DLGAP2: variants seen among roughly 807,000 people sequenced by gnomAD.
DLGAP2 encodes disks large-associated protein 2.
In DLGAP2, 26 loss-of-function variants were observed where a neutral mutation model predicts 100.3. The ratio of observed to expected loss-of-function variants is 0.26; its 90% CI spans 0.19 to 0.36. DLGAP2 has a LOEUF of 0.36. Ranked by LOEUF, DLGAP2 falls within the 10% of genes least tolerant of loss-of-function variation. DLGAP2 has a pLI of 1.00. For synonymous variants in DLGAP2, 886 were observed against 630.1 expected, an observed-to-expected ratio of 1.41 and a Z score of -6.08; for missense variants, 1,858 against 1,453.2, an observed-to-expected ratio of 1.28 and a Z score of -4.53.
intron 3 of DLGAP2, among the ~76,000 whole-genome samples, chr8:1,500,787 T>C (rs150074667): frequency 1.3e-5 from 2 of 152,376 alleles, no homozygotes; most frequent in East Asian, 3.9e-4. Flanking sequence ...GGAAAATCAA[T>C]GCCAGTGACC....
intron 2 of DLGAP2, among the ~76,000 whole-genome samples, chr8:1,203,360 A>G (rs535475253): frequency 1.3e-4 from 20 of 151,788 alleles, no homozygotes; most frequent in Non-Finnish European, 2.5e-4. Flanking sequence ...GTTAGAATCC[A>G]TGAGACTGGC....
At chr8:837,749 CT>C (rs1425012009) in intron 1 of DLGAP2, among the ~76,000 whole-genome samples, 1 of 150,246 alleles carries the variant, frequency 6.7e-6, no homozygotes, top group Non-Finnish European at 1.5e-5. Context: ...CGGAGTCTCA[CT>C]CTGTTGCCCA....
At chr8:1,552,449 A>G (rs1801801940) in intron 5 of DLGAP2, among the ~76,000 whole-genome samples, 1 of 152,168 alleles carries the variant, frequency 6.6e-6, no homozygotes, top group South Asian at 2.1e-4. Context: ...ATGAAGCTGA[A>G]TATCAGGAGC....
intron 1 of DLGAP2, among the ~76,000 whole-genome samples, chr8:855,203 T>C (rs1797254221): frequency 6.6e-6 from 1 of 152,238 alleles, no homozygotes; most frequent in African/African-American, 2.4e-5. Flanking sequence ...GGCATTTATG[T>C]GGGATCATTG....
intron 2 of DLGAP2, among the ~76,000 whole-genome samples, chr8:947,472 G>A (rs1294288156): frequency 2.6e-5 from 4 of 152,216 alleles, no homozygotes; most frequent in Non-Finnish European, 4.4e-5. Flanking sequence ...TACACGAAGC[G>A]TAGAGACGGT....
chr8:1,537,125 C>A (rs951413935), intron 4 of DLGAP2, among the ~76,000 whole-genome samples: 1 of 151,932 alleles, frequency 6.6e-6, no homozygotes, highest in Non-Finnish European at 1.5e-5. Context: ...ATGTGGTAGA[C>A]CCCTGCAGCT....
In DLGAP2 at chr8:1,495,760, G is replaced by A. The variant is rs575123736; in HGVS notation, c.107-5606G>A. ...TGGTGGCCGTGCTGGGTCTGTGCCCGGGGCCTTCCCCCGTATGCTTTCGCT... is the reference window on the plus strand; with the variant it reads ...TGGTGGCCGTGCTGGGTCTGTGCCCAGGGCCTTCCCCCGTATGCTTTCGCT... On this transcript the variant is annotated intron_variant, in intron 3 of 14. Transcript: ENST00000637795. 2.0e-5 allele frequency among the ~76,000 whole-genome samples: 3 copies of A among 152,352 alleles called. No individual in the cohort carries two copies. The East Asian group carries it at 5.8e-4, about 29-fold the overall frequency.
chr8:1,546,707 G>A (rs1054185657), intron 4 of DLGAP2, among the ~76,000 whole-genome samples: 1 of 152,154 alleles, frequency 6.6e-6, no homozygotes, highest in Non-Finnish European at 1.5e-5. Context: ...CAGGGAGTCA[G>A]AGTGGGTGGC....
intron 3 of DLGAP2, among the ~76,000 whole-genome samples, chr8:1,281,681 C>CT (rs2116949438): frequency 6.6e-6 from 1 of 152,260 alleles, no homozygotes; most frequent in East Asian, 1.9e-4. Flanking sequence ...TGAAATTCAG[C>CT]TCCCCACACT....
intron 5 of DLGAP2, among the ~76,000 whole-genome samples, chr8:1,557,627 G>A (rs997558922): frequency 6.6e-6 from 1 of 152,152 alleles, no homozygotes; most frequent in Non-Finnish European, 1.5e-5. Flanking sequence ...CACACCCGGG[G>A]GGCGTGTAAA....
intron 2 of DLGAP2, among the ~76,000 whole-genome samples, chr8:1,117,754 G>A (rs538279416): frequency 6.6e-6 from 1 of 152,292 alleles, no homozygotes; most frequent in African/African-American, 2.4e-5. Flanking sequence ...ACCCCCAGGG[G>A]GCTCCCCCAG....
At chr8:1,250,486 T>C (rs1176810503) in intron 2 of DLGAP2, 2 of 152,146 alleles carry the variant, frequency 1.3e-5, no homozygotes, top group Non-Finnish European at 2.9e-5. Context: ...AGGGAGTGAA[T>C]GAATGTCTTC....
At chr8:1,018,715 C>T (rs1279099319) in intron 2 of DLGAP2, 1 of 152,186 alleles carries the variant, frequency 6.6e-6, no homozygotes. Flanking sequence ...AGGTCATATT[C>T]CTTATCAACT....
At chr8:857,940 G>A (rs562569056) in intron 1 of DLGAP2, among the ~76,000 whole-genome samples, 2 of 150,638 alleles carry the variant, frequency 1.3e-5, no homozygotes, top group South Asian at 2.1e-4. Flanking sequence ...GTGTGATCTC[G>A]GCTCACTGCA....
At chr8:922,160 T>G (rs1434945792) in intron 2 of DLGAP2, among the ~76,000 whole-genome samples, 1 of 152,200 alleles carries the variant, frequency 6.6e-6, no homozygotes, top group Non-Finnish European at 1.5e-5. Flanking sequence ...TTTGGTGTTT[T>G]CATGGAAGTT....
chr8:975,103 T>C (rs991496962), intron 2 of DLGAP2, among the ~76,000 whole-genome samples: 1 of 152,092 alleles, frequency 6.6e-6, no homozygotes, highest in African/African-American at 2.4e-5. Flanking sequence ...AATAAAAGAA[T>C]ACTATGAATA....
intron 2 of DLGAP2, among the ~76,000 whole-genome samples, chr8:950,043 G>T (rs909626490): frequency 6.6e-6 from 1 of 152,194 alleles, no homozygotes; most frequent in African/African-American, 2.4e-5. Flanking sequence ...TGCTTCTCCA[G>T]GGGACCCAGG....
intron 1 of DLGAP2, among the ~76,000 whole-genome samples, chr8:756,802 C>A (rs1347644092): frequency 6.6e-6 from 1 of 152,176 alleles, no homozygotes; most frequent in Non-Finnish European, 1.5e-5. Context: ...AGATCTCCCG[C>A]CTCCGGTCTC....
At chr8:1,300,651 T>C (rs928981172) in intron 3 of DLGAP2, 4 of 152,232 alleles carry the variant, frequency 2.6e-5, no homozygotes, top group Non-Finnish European at 2.9e-5. Flanking sequence ...GAGGTTCACC[T>C]CCTTGACATC....
Sources: gnomAD v4.1 joint callset for allele counts (sites outside exome capture counted in the v4.1 genomes callset) on GRCh38, gnomAD v4.1.1 for gene constraint, MANE v1.5 for transcripts, NCBI Gene and HGNC (gene_info 2026-07-23, HGNC 2026-07-21) for gene names.